RBMS3: variants seen among roughly 807,000 people sequenced by gnomAD.
RBMS3 encodes RNA binding motif single stranded interacting protein 3.
RBMS3 carries 27 observed loss-of-function variants against 66.8 expected under a neutral mutation model. The observed-to-expected ratio is 0.40, with a 90% confidence interval of 0.30 to 0.56. The LOEUF is 0.56. RBMS3 is among the 20% of genes least tolerant of loss of function. The probability of loss-of-function intolerance (pLI) is 0.40; values close to 1 mark genes in which losing one functional copy is unlikely to be tolerated. For missense variants in RBMS3, 513 were observed against 549.5 expected (o/e 0.93, Z 0.66); for synonymous variants, 188 against 183.0 (o/e 1.03, Z -0.22).
At chr3:29,303,173 G>A (rs2033791714) in intron 1 of RBMS3, among the ~76,000 whole-genome samples, 2 of 151,996 alleles carry the variant, frequency 1.3e-5, no homozygotes, top group African/African-American at 4.8e-5. Flanking sequence ...CATTCACTAG[G>A]AAGCAGAGCT....
intron 3 of RBMS3, among the ~76,000 whole-genome samples, chr3:29,501,012 A>G (rs1049495429): frequency 6.6e-6 from 1 of 152,200 alleles, no homozygotes; most frequent in African/African-American, 2.4e-5. Context: ...TTTGTAATTA[A>G]GCATCTGCTA....
intron 8 of RBMS3, among the ~76,000 whole-genome samples, chr3:29,888,048 C>T (rs1212137634): frequency 2.6e-5 from 4 of 151,704 alleles, no homozygotes. Context: ...CAGGTTACCA[C>T]TCCTGGACCC....
intron 2 of RBMS3, among the ~76,000 whole-genome samples, chr3:29,435,278 G>C (rs944490857): frequency 9.2e-5 from 14 of 152,172 alleles, no homozygotes; most frequent in African/African-American, 3.4e-4. Flanking sequence ...TTAGTGAAAG[G>C]AATCTCAAAA....
At position 29,403,819 on chromosome 3, in the gene RBMS3, G is replaced by C. The variant is rs369682697; in HGVS notation, c.76-30924G>C. The stretch of plus-strand genomic sequence containing the variant: ...TCTAATCTTTGAAAATAATAAAGGA[G>C]CCAACATATTTTTAAAAGTGTAAAA... On this transcript the variant is annotated intron_variant, in intron 1 of 14. Transcript: ENST00000383767. 1.2e-4 allele frequency among the ~76,000 whole-genome samples: 18 copies of C among 152,160 alleles called. No homozygotes were observed. In the East Asian group the frequency reaches 1.5e-3, roughly 13 times the overall value.
chr3:29,528,537 C>T (rs2045226608), intron 3 of RBMS3, among the ~76,000 whole-genome samples: 1 of 152,184 alleles, frequency 6.6e-6, no homozygotes, highest in Admixed American at 6.5e-5. Flanking sequence ...AGATGTTGGT[C>T]ACTTAGAATG....
chr3:29,635,242 T>C (rs2049432131), intron 4 of RBMS3, among the ~76,000 whole-genome samples: 1 of 151,904 alleles, frequency 6.6e-6, no homozygotes, highest in African/African-American at 2.4e-5. Flanking sequence ...ACTTGACATC[T>C]GCACTTAGAT....
At chr3:29,890,621 AAG>A (rs771012093) in intron 8 of RBMS3, among the ~76,000 whole-genome samples, 3 of 151,630 alleles carry the variant, frequency 2.0e-5, no homozygotes, top group Admixed American at 1.3e-4. Flanking sequence ...AATTAGAAAA[AAG>A]AAAATGCTCA....
chr3:29,479,917 G>C (rs1231484390), intron 2 of RBMS3, among the ~76,000 whole-genome samples: 3 of 152,188 alleles, frequency 2.0e-5, no homozygotes, highest in African/African-American at 7.2e-5. Flanking sequence ...CAGTTGAAGC[G>C]TAAGTTCTCC....
chr3:29,539,153 A>T (rs1161928675), intron 3 of RBMS3, among the ~76,000 whole-genome samples: 2 of 152,176 alleles, frequency 1.3e-5, no homozygotes, highest in African/African-American at 4.8e-5. Context: ...ACAGGAAATG[A>T]GTTATTATGG....
At chr3:29,450,480 T>C (rs1187458970) in intron 2 of RBMS3, among the ~76,000 whole-genome samples, 1 of 152,172 alleles carries the variant, frequency 6.6e-6, no homozygotes, top group Non-Finnish European at 1.5e-5. Context: ...ATTAATCAGT[T>C]TTATTGAATT....
rs1699739889 is a variant in RBMS3 at position 30,004,340 on chromosome 3, T to TTA, written c.*480_*481dup. ...GTTTTAATCTAGTGGGTTTTTTATTTTATTTTTTCTTAGAAATATGTAGGT... is the reference window on the plus strand; with the variant it reads ...GTTTTAATCTAGTGGGTTTTTTATTTTATATTTTTTCTTAGAAATATGTAGGT... On this transcript the variant is annotated 3_prime_UTR_variant, in exon 15 of 15. Coordinates refer to ENST00000383767, the MANE Select transcript of RBMS3 (RefSeq NM_001003793.3). 2 of 152,334 alleles carry TTA rather than the reference T, an allele frequency of 1.3e-5. No individual in the cohort carries two copies. Among genetic ancestry groups the TTA allele is most frequent in the Non-Finnish European group, 2.9e-5 (2 of 67,898 alleles). 9.4% of individuals were successfully genotyped at this position (152,334 alleles called of 1,614,324 possible).
intron 1 of RBMS3, among the ~76,000 whole-genome samples, chr3:29,356,923 A>T (rs2037254469): frequency 6.6e-6 from 1 of 152,218 alleles, no homozygotes; most frequent in Admixed American, 6.6e-5. Flanking sequence ...ATTGATAAAA[A>T]GGGCAGGTCT....
chr3:29,930,109 C>CTTTCTTTCTCTTTTTTTT (rs71091082), intron 10 of RBMS3, among the ~76,000 whole-genome samples: 1 of 43,556 alleles, frequency 2.3e-5, no homozygotes, highest in Non-Finnish European at 5.2e-5. Context: ...TTCTTTCTTT[C>CTTTCTTTCTCTTTTTTTT]TTTTTTTTTT....
At chr3:29,850,597 G>A (rs1033670078) in intron 6 of RBMS3, among the ~76,000 whole-genome samples, 4 of 152,048 alleles carry the variant, frequency 2.6e-5, no homozygotes, top group Non-Finnish European at 5.9e-5. Flanking sequence ...ACATGTGTAA[G>A]GATAATGTTT....
At chr3:29,953,341 T>C (rs1695807231) in intron 12 of RBMS3, among the ~76,000 whole-genome samples, 1 of 151,976 alleles carries the variant, frequency 6.6e-6, no homozygotes. Context: ...GTTTGCAGAA[T>C]GTACCTGTCT....
At chr3:29,870,529 C>T (rs1399081541) in intron 7 of RBMS3, among the ~76,000 whole-genome samples, 1 of 152,112 alleles carries the variant, frequency 6.6e-6, no homozygotes, top group Non-Finnish European at 1.5e-5. Context: ...CACTTCCTCT[C>T]ACTGTACATT....
At chr3:29,368,953 C>G (rs1041002920) in intron 1 of RBMS3, among the ~76,000 whole-genome samples, 1 of 152,076 alleles carries the variant, frequency 6.6e-6, no homozygotes, top group Non-Finnish European at 1.5e-5. Flanking sequence ...ATATGTGGTA[C>G]ATATACATCA....
chr3:29,355,606 A>G (rs1226917062), intron 1 of RBMS3, among the ~76,000 whole-genome samples: 1 of 152,136 alleles, frequency 6.6e-6, no homozygotes, highest in African/African-American at 2.4e-5. Context: ...ATTGGGAAAT[A>G]TGTTTGCATA....
intron 4 of RBMS3, among the ~76,000 whole-genome samples, chr3:29,656,314 C>G (rs2050325822): frequency 6.6e-6 from 1 of 152,112 alleles, no homozygotes; most frequent in African/African-American, 2.4e-5. Flanking sequence ...TTTCACTGTA[C>G]CCTTTTAATG....
Sources: gnomAD v4.1 joint callset for allele counts (sites outside exome capture counted in the v4.1 genomes callset) on GRCh38, gnomAD v4.1.1 for gene constraint, MANE v1.5 for transcripts, NCBI Gene and HGNC (gene_info 2026-07-23, HGNC 2026-07-21) for gene names.